SMYD3: variants seen among roughly 807,000 people sequenced by gnomAD.
SMYD3 encodes the protein SET and MYND domain containing 3.
SMYD3 carries 36 observed loss-of-function variants against 57.7 expected under a neutral mutation model. The observed-to-expected ratio is 0.62, with a 90% CI of 0.48 to 0.82. The LOEUF (loss-of-function observed/expected upper bound fraction) is 0.82. SMYD3 is among the 40% of genes least tolerant of loss of function. The probability of loss-of-function intolerance (pLI) is 0.00; values close to 1 mark genes in which losing one functional copy is unlikely to be tolerated. For missense variants in SMYD3, 515 were observed against 538.8 expected (o/e 0.96, Z 0.44); for synonymous variants, 211 against 195.0 (o/e 1.08, Z -0.68).
rs1572938722 is a variant in SMYD3, at chr1:246,045,877, C to G, written c.532-115940G>C. On this transcript the variant is annotated intron_variant, in intron 5 of 11. Transcript: ENST00000490107. ...CAGCCAACAGACACATGAAAAAATG[C>G]TCATCACCACTGGCCATCAGAGAAC... Among the ~76,000 whole-genome samples the G allele has an allele frequency of 7.2e-5, 11 of 152,310 alleles. No homozygotes were observed. The South Asian group carries it at 2.3e-3, about 32-fold the overall frequency.
chr1:246,456,508 T>C (rs1437155215), intron 1 of SMYD3, among the ~76,000 whole-genome samples: 2 of 152,278 alleles, frequency 1.3e-5, no homozygotes, highest in East Asian at 1.9e-4. Flanking sequence ...TACCTACTCA[T>C]CCACCAACAC....
intron 8 of SMYD3, among the ~76,000 whole-genome samples, chr1:245,868,496 G>T (rs1164437169): frequency 1.3e-5 from 2 of 151,994 alleles, no homozygotes; most frequent in Admixed American, 6.6e-5. Flanking sequence ...TATCAAGCAG[G>T]GTGAGACCGC....
intron 1 of SMYD3, among the ~76,000 whole-genome samples, chr1:246,414,539 G>C (rs2067026370): frequency 1.3e-5 from 2 of 152,024 alleles, no homozygotes; most frequent in South Asian, 4.2e-4. Context: ...CACTCTCACT[G>C]TCATTATTTT....
chr1:246,188,189 G>C (rs946147651), intron 5 of SMYD3, among the ~76,000 whole-genome samples: 2 of 152,122 alleles, frequency 1.3e-5, no homozygotes, highest in Admixed American at 1.3e-4. Context: ...TACAGCAAGA[G>C]CAATGAGTTG....
intron 1 of SMYD3, among the ~76,000 whole-genome samples, chr1:246,460,663 T>A (rs1367890507): frequency 2.0e-5 from 3 of 152,134 alleles, no homozygotes; most frequent in Admixed American, 2.0e-4. Context: ...CCTTAGAAAA[T>A]CCTTTAGTGT....
chr1:246,481,640 ATTCATATATG>A, intron 1 of SMYD3, among the ~76,000 whole-genome samples: 1 of 135,228 alleles, frequency 7.4e-6, no homozygotes, highest in African/African-American at 2.7e-5. Context: ...ACATACACAT[ATTCATATATG>A]ATCATATATA....
intron 5 of SMYD3, among the ~76,000 whole-genome samples, chr1:245,979,917 C>T (rs976252463): frequency 6.6e-6 from 1 of 152,232 alleles, no homozygotes; most frequent in Admixed American, 6.5e-5. Flanking sequence ...GGATCTCACA[C>T]ATCAGAATTA....
intron 5 of SMYD3, among the ~76,000 whole-genome samples, chr1:246,016,237 TA>T (rs539956616): frequency 0.042 from 5,565 of 132,102 alleles, 214 homozygotes; most frequent in African/African-American, 0.12. Flanking sequence ...CCCCATCACT[TA>T]AAAAAAAAAA....
In SMYD3 at chr1:246,051,344, C is replaced by T. The variant is rs146177597; in HGVS notation, c.532-121407G>A. ...CCACATTGCACAGGATGGTCTCGAA[C>T]TCCTGAGCTCAAGCAATCCACAAGC... On this transcript the variant is annotated intron_variant, in intron 5 of 11. Transcript: ENST00000490107. 1.1e-4 allele frequency among the ~76,000 whole-genome samples: 16 copies of T among 152,152 alleles called. No individual in the cohort carries two copies. In the East Asian group the frequency reaches 2.9e-3, roughly 28 times the overall value.
At chr1:246,260,722 C>A (rs376777758) in intron 5 of SMYD3, among the ~76,000 whole-genome samples, 1 of 152,082 alleles carries the variant, frequency 6.6e-6, no homozygotes, top group Non-Finnish European at 1.5e-5. Flanking sequence ...TGAGCCACTG[C>A]GCCCAGCCCC....
chr1:246,358,098 A>G (rs2065934067), intron 1 of SMYD3, among the ~76,000 whole-genome samples: 1 of 152,188 alleles, frequency 6.6e-6, no homozygotes, highest in African/African-American at 2.4e-5. Flanking sequence ...ACTCACATAA[A>G]CTTAAGGTAA....
At chr1:246,378,713 T>C (rs2066321877) in intron 1 of SMYD3, among the ~76,000 whole-genome samples, 1 of 45,742 alleles carries the variant, frequency 2.2e-5, no homozygotes, top group Non-Finnish European at 4.6e-5. Context: ...TTTATATATA[T>C]AATATAATAT....
At chr1:246,107,228 A>T (rs1247471808) in intron 5 of SMYD3, among the ~76,000 whole-genome samples, 1 of 151,724 alleles carries the variant, frequency 6.6e-6, no homozygotes, top group South Asian at 2.1e-4. Flanking sequence ...CGGAGCTTGC[A>T]GTGAGCCGAG....
intron 5 of SMYD3, among the ~76,000 whole-genome samples, chr1:246,171,164 A>G (rs2062324526): frequency 6.6e-6 from 1 of 152,202 alleles, no homozygotes; most frequent in African/African-American, 2.4e-5. Context: ...GGTAGAACCA[A>G]TGCTGTCTGT....
chr1:245,912,653 C>T (rs1016762723), intron 8 of SMYD3, among the ~76,000 whole-genome samples: 1 of 151,992 alleles, frequency 6.6e-6, no homozygotes, highest in Admixed American at 6.6e-5. Flanking sequence ...GGTATAAAAA[C>T]AGACATATAG....
chr1:246,100,656 G>A (rs114113243), intron 5 of SMYD3, among the ~76,000 whole-genome samples: 1,548 of 152,206 alleles, frequency 0.01, 27 homozygotes, highest in African/African-American at 0.035. Context: ...GGAAAAGGTC[G>A]GCTCTGCCAC....
chr1:246,104,831 T>C (rs943059850), intron 5 of SMYD3, among the ~76,000 whole-genome samples: 3 of 152,150 alleles, frequency 2.0e-5, no homozygotes, highest in Admixed American at 6.5e-5. Context: ...AACCCTTGCG[T>C]TCCCCCTCCT....
intron 10 of SMYD3, among the ~76,000 whole-genome samples, chr1:245,780,569 CT>C (rs35392435): frequency 0.39 from 58,963 of 150,968 alleles, 15,706 homozygotes; most frequent in East Asian, 0.82. Context: ...AAGCATGAGG[CT>C]TTTTTTTTGC....
chr1:246,133,050 C>T (rs905267799), intron 5 of SMYD3, among the ~76,000 whole-genome samples: 3 of 151,654 alleles, frequency 2.0e-5, no homozygotes, highest in Non-Finnish European at 2.9e-5. Context: ...ATGAAAGGTG[C>T]TATAATAAAA....
Sources: allele counts gnomAD v4.1 joint callset (sites outside exome capture counted in the v4.1 genomes callset), GRCh38; gene constraint gnomAD v4.1.1; transcripts MANE v1.5; gene names NCBI Gene and HGNC (gene_info 2026-07-23, HGNC 2026-07-21).